The following SP140L variants were observed in gnomAD, a reference collection of about 807,000 sequenced individuals.
The protein encoded by SP140L is nuclear body protein SP140-like protein.
Under a neutral mutation model 84.3 loss-of-function variants are expected in SP140L, and 64 were observed. The ratio of observed to expected loss-of-function variants is 0.76; its 90% CI spans 0.62 to 0.94. SP140L has a LOEUF of 0.94. Ranked by LOEUF, SP140L falls within the 40% of genes least tolerant of loss-of-function variation. The pLI, the probability that SP140L is intolerant of heterozygous loss-of-function variation, is 0.00. For synonymous variants in SP140L, 242 were observed against 236.9 expected (o/e 1.02, Z -0.20); for missense variants, 628 against 692.5 (o/e 0.91, Z 1.05).
At chr2:230,389,043 A>T (rs1476427383) in intron 10 of SP140L, among the ~76,000 whole-genome samples, 1 of 152,178 alleles carries the variant, frequency 6.6e-6, no homozygotes, top group East Asian at 1.9e-4. Flanking sequence ...TTGGCTTTTT[A>T]AAAAATCTTT....
intron 2 of SP140L, among the ~76,000 whole-genome samples, chr2:230,333,284 G>A (rs1024372817): frequency 1.8e-4 from 27 of 151,392 alleles, no homozygotes; most frequent in African/African-American, 6.1e-4. Context: ...TCAGCCTCCC[G>A]AGTAGCTGGG....
At chr2:230,384,074 G>A (rs1027775276) in intron 8 of SP140L, among the ~76,000 whole-genome samples, 5 of 151,978 alleles carry the variant, frequency 3.3e-5, no homozygotes, top group Non-Finnish European at 7.4e-5. Flanking sequence ...AAAATCAGTG[G>A]CTGTTCATTT....
intron 3 of SP140L, among the ~76,000 whole-genome samples, chr2:230,358,639 T>TAGA (rs1279000556): frequency 6.6e-6 from 1 of 151,250 alleles, no homozygotes; most frequent in Non-Finnish European, 1.5e-5. Context: ...CAGCCACTCA[T>TAGA]TGATTGCCTG....
chr2:230,348,236 C>T (rs987775635), intron 2 of SP140L, among the ~76,000 whole-genome samples: 8 of 152,142 alleles, frequency 5.3e-5, no homozygotes, highest in Non-Finnish European at 8.8e-5. Context: ...GAAATGAAAA[C>T]GTATATCCAC....
At chr2:230,387,024 AC>A (rs1217360375) in intron 9 of SP140L, among the ~76,000 whole-genome samples, 10 of 152,164 alleles carry the variant, frequency 6.6e-5, no homozygotes, top group Admixed American at 2.0e-4. Flanking sequence ...GATGTCCTGG[AC>A]TTCCAGAGTC....
intron 4 of SP140L, among the ~76,000 whole-genome samples, chr2:230,360,971 G>A (rs2060696680): frequency 6.6e-6 from 1 of 152,028 alleles, no homozygotes; most frequent in Non-Finnish European, 1.5e-5. Context: ...TTGGAGATAG[G>A]GTCTCACTCT....
At chr2:230,336,302 A>T (rs928476387) in intron 2 of SP140L, among the ~76,000 whole-genome samples, 2 of 152,170 alleles carry the variant, frequency 1.3e-5, no homozygotes, top group Non-Finnish European at 2.9e-5. Context: ...TTACATTCTT[A>T]TCTGTGCCTA....
At chr2:230,385,086 C>A in intron 8 of SP140L, 138 bp from the exon 9 acceptor site, 1 of 721,606 alleles carries the variant, frequency 1.4e-6, no homozygotes, top group Non-Finnish European at 2.3e-6. Flanking sequence ...CAACACTCCC[C>A]AAAGCAGAAA....
chr2:230,394,604 C>T (rs756792956), intron 13 of SP140L, among the ~76,000 whole-genome samples: 12 of 152,226 alleles, frequency 7.9e-5, no homozygotes, highest in Non-Finnish European at 1.8e-4. Context: ...GTAACTCAGC[C>T]TGGGTGACCC....
At chr2:230,371,062 C>A in intron 6 of SP140L, 95 bp downstream of exon 6, 1 of 1,076,030 alleles carries the variant, frequency 9.3e-7, no homozygotes, top group South Asian at 1.3e-5. Flanking sequence ...GCCCAGAATC[C>A]TGTTCTGTGC....
intron 2 of SP140L, among the ~76,000 whole-genome samples, chr2:230,356,395 A>G (rs957290850): frequency 2.0e-5 from 3 of 152,204 alleles, no homozygotes; most frequent in Non-Finnish European, 2.9e-5. Flanking sequence ...GATTCACACA[A>G]TGGAATACCA....
At chr2:230,374,310 C>T (rs1211380084) in intron 7 of SP140L, among the ~76,000 whole-genome samples, 22 of 137,224 alleles carry the variant, frequency 1.6e-4, no homozygotes, top group Non-Finnish European at 4.6e-5. Context: ...AGTAAGACTC[C>T]ATCTCAAAAA....
chr2:230,386,362 T>C (rs1327022783), intron 9 of SP140L, among the ~76,000 whole-genome samples: 1 of 152,204 alleles, frequency 6.6e-6, no homozygotes, highest in East Asian at 1.9e-4. Context: ...TTGGTACTTA[T>C]TGGATTGTTC....
intron 5 of SP140L, among the ~76,000 whole-genome samples, chr2:230,365,742 T>C (rs1343221841): frequency 1.3e-5 from 2 of 152,138 alleles, no homozygotes; most frequent in African/African-American, 4.8e-5. Flanking sequence ...AGATCTTTCT[T>C]CTTTCTTGAT....
At chr2:230,398,564 A>G (rs1162890290) in intron 14 of SP140L, among the ~76,000 whole-genome samples, 2 of 152,238 alleles carry the variant, frequency 1.3e-5, no homozygotes, top group African/African-American at 4.8e-5. Context: ...TTGCCACTGC[A>G]AACTCTGTGA....
At position 230,370,848 on chromosome 2, in the gene SP140L, C is replaced by T. The variant is rs958219852; in HGVS notation, c.524-60C>T. 4.1e-5 allele frequency: 64 copies of T among 1,548,114 alleles called. 1 individual carries two copies. The highest frequency in any genetic ancestry group is 2.1e-4 in the Admixed American group (12 of 56,960). ...AAGTTCATAAATCACAATTTTGCCC[C>T]GGGAGCAGAGCGACCAGCATGTGAA... On this transcript the variant is annotated intron_variant, in intron 5 of 18. Coordinates refer to ENST00000415673, the MANE Select transcript of SP140L (RefSeq NM_138402.6).
chr2:230,367,295 C>CTTT lies in SP140L; in HGVS notation c.524-3600_524-3598dup, dbSNP rs200306286. Among the ~76,000 whole-genome samples the CTTT allele has an allele frequency of 7.5e-3, 881 of 118,020 alleles. 34 individuals carry two copies. The highest frequency in any genetic ancestry group is 0.029 in the East Asian group (121 of 4,114). The allele number at this position is 118,020 out of a possible 152,430, so 77.4% of individuals were successfully genotyped here. On this transcript the variant is annotated intron_variant, in intron 5 of 18. Coordinates refer to ENST00000415673, the MANE Select transcript of SP140L (RefSeq NM_138402.6). Reference sequence around the variant, plus strand: ...TTTTTTTCCTTTCTTTCTTTTTTTTCTTTTTTTTTTTTTTTGAGACAGAGT... The same window carrying CTTT: ...TTTTTTTCCTTTCTTTCTTTTTTTTCTTTTTTTTTTTTTTTTTTGAGACAGAGT...
chr2:230,368,139 A>G (rs956541217), intron 5 of SP140L, among the ~76,000 whole-genome samples: 7 of 152,106 alleles, frequency 4.6e-5, no homozygotes, highest in Non-Finnish European at 1.0e-4. Context: ...AATTCCCTTT[A>G]GTATTTCTTG....
chr2:230,376,489 A>T (rs1398006986), intron 7 of SP140L, among the ~76,000 whole-genome samples: 3 of 152,202 alleles, frequency 2.0e-5, no homozygotes, highest in African/African-American at 7.2e-5. Context: ...TTACAATAGC[A>T]ACAAAAAGAA....
Sources: gnomAD v4.1 joint callset for allele counts (sites outside exome capture counted in the v4.1 genomes callset) on GRCh38, gnomAD v4.1.1 for gene constraint, MANE v1.5 for transcripts, NCBI Gene and HGNC (gene_info 2026-07-23, HGNC 2026-07-21) for gene names.